Variants in RNF152 observed in about 807,000 individuals in gnomAD.
The protein encoded by RNF152 is E3 ubiquitin-protein ligase RNF152.
RNF152 carries 11 observed loss-of-function variants against 12.7 expected under a neutral mutation model. That is an observed-to-expected ratio of 0.86 (90% confidence interval 0.54 to 1.43). RNF152 has a LOEUF of 1.43. Among genes scored for constraint, RNF152 ranks in the 40% most tolerant of loss-of-function variants. The probability of loss-of-function intolerance (pLI) is 0.00; values close to 1 mark genes in which losing one functional copy is unlikely to be tolerated. For synonymous variants in RNF152, 113 were observed against 120.3 expected, an observed-to-expected ratio of 0.94 and a Z score of 0.40; for missense variants, 255 against 274.8, an observed-to-expected ratio of 0.93 and a Z score of 0.51.
intron 1 of RNF152, among the ~76,000 whole-genome samples, chr18:61,817,637 C>A (rs1180559865): frequency 3.3e-5 from 5 of 151,922 alleles, no homozygotes; most frequent in East Asian, 1.9e-4. Flanking sequence ...GTCCTGGAAC[C>A]AATGCCCTCA....
intron 1 of RNF152, among the ~76,000 whole-genome samples, chr18:61,828,804 T>A (rs552308688): frequency 6.6e-6 from 1 of 152,192 alleles, no homozygotes; most frequent in Admixed American, 6.5e-5. Context: ...GTTTGGGGAA[T>A]CTGAAGAGAA....
chr18:61,816,657 CA>C (rs1297837945), intron 1 of RNF152, 59 bp from the exon 2 acceptor site: 1 of 613,596 alleles, frequency 1.6e-6, no homozygotes, highest in Non-Finnish European at 2.8e-6. Flanking sequence ...GAGATGTCAA[CA>C]TATCTAATGG....
chr18:61,861,406 C>T (rs538017826), intron 1 of RNF152, among the ~76,000 whole-genome samples: 1 of 152,284 alleles, frequency 6.6e-6, no homozygotes, highest in African/African-American at 2.4e-5. Flanking sequence ...GGTTTGCAGC[C>T]TTGGAGCAAT....
Position 61,815,737 on chromosome 18 carries a change from G to T in RNF152, c.*115C>A. 1 of 1,208,744 alleles carries T rather than the reference G, an allele frequency of 8.3e-7. No homozygotes were observed. 74.9% of individuals were successfully genotyped at this position (1,208,744 alleles called of 1,614,324 possible). On this transcript the variant is annotated 3_prime_UTR_variant, in exon 2 of 2. Coordinates refer to ENST00000312828, the MANE Select transcript of RNF152 (RefSeq NM_173557.3). ...GGGGTAATCAAGAGGCAACCCAGAG[G>T]CCAGCGCTCAGCACCAAATGGTCAG... is the stretch of plus-strand genomic sequence containing the variant.
Position 61,815,916 on chromosome 18 carries a change from A to T in RNF152, c.548T>A (p.Leu183His). 6.2e-7 allele frequency: 1 copy of T among 1,614,216 alleles called. No homozygotes were observed. Among genetic ancestry groups the T allele is most frequent in the Non-Finnish European group, 8.5e-7 (1 of 1,180,046 alleles). The stretch of plus-strand genomic sequence containing the variant: ...AGACATGTTGTGAAGCACGATGCCG[A>T]GGAGGAAGACCAAGACGCAAGCCAC... ...ILVACVLVFLLGIVLHNMSCI... is the reference protein window; with the variant it reads ...ILVACVLVFLHGIVLHNMSCI... The change falls in exon 2 of 2, where the codon CTC becomes CAC. Residue 183 changes from leucine (L) to histidine (H), a missense_variant. Transcript: ENST00000312828.
At chr18:61,872,726 T>C (rs969125313) in intron 1 of RNF152, among the ~76,000 whole-genome samples, 1 of 152,208 alleles carries the variant, frequency 6.6e-6, no homozygotes, top group Non-Finnish European at 1.5e-5. Context: ...ACTATCATCA[T>C]GATTTTCGCA....
At chr18:61,882,046 G>A (rs80238164) in intron 1 of RNF152, among the ~76,000 whole-genome samples, 7,025 of 152,188 alleles carry the variant, frequency 0.046, 282 homozygotes, top group Non-Finnish European at 0.059. Flanking sequence ...TCAAACATCC[G>A]AAATCCGAAA....
chr18:61,815,967 C>A lies in RNF152; in HGVS notation c.497G>T (p.Trp166Leu). Reference protein sequence around the residue: ...DRRGVVKSSTWSGVCTVILVA... With the variant: ...DRRGVVKSSTLSGVCTVILVA... ...CAAGATGACAGTGCACACCCCCGACCAGGTGGAGCTTTTCACCACGCCCCG... is the reference window on the plus strand; with the variant it reads ...CAAGATGACAGTGCACACCCCCGACAAGGTGGAGCTTTTCACCACGCCCCG... The change falls in exon 2 of 2, where the codon TGG becomes TTG. Residue 166 changes from tryptophan (W) to leucine (L), a missense_variant. Physicochemically the swap from Trp to Leu is moderately conservative, Grantham distance 61. Transcript: ENST00000312828. 4.3e-6 allele frequency: 7 copies of A among 1,614,222 alleles called. No individual in the cohort carries two copies. The highest frequency in any genetic ancestry group is 5.9e-6 in the Non-Finnish European group (7 of 1,180,038).
chr18:61,885,793 G>A (rs1425787626), intron 1 of RNF152, among the ~76,000 whole-genome samples: 2 of 152,018 alleles, frequency 1.3e-5, no homozygotes, highest in Non-Finnish European at 2.9e-5. Context: ...ATATCACAAA[G>A]GTATTGAAGC....
chr18:61,878,955 T>C (rs948524980), intron 1 of RNF152, among the ~76,000 whole-genome samples: 1 of 152,174 alleles, frequency 6.6e-6, no homozygotes, highest in Non-Finnish European at 1.5e-5. Context: ...GAGGCAACCA[T>C]ATGCAGAATT....
At position 61,816,449 on chromosome 18, in the gene RNF152, G is replaced by A; in HGVS notation, c.15C>T (p.Ser5=). The part of the protein sequence containing the change: METL[S]QDSLLECQIC... The stretch of plus-strand genomic sequence containing the variant: ...TCTGACATTCCAGCAGAGAGTCCTG[G>A]GACAGCGTCTCCATGGTGGACCGTG... The change falls in exon 2 of 2, where the codon TCC becomes TCT. Residue 5 remains serine (S), a synonymous_variant. Coordinates refer to ENST00000312828, the MANE Select transcript of RNF152 (RefSeq NM_173557.3). 6.2e-7 allele frequency: 1 copy of A among 1,604,276 alleles called. No homozygotes were observed. Among genetic ancestry groups the A allele is most frequent in the Non-Finnish European group, 8.5e-7 (1 of 1,172,732 alleles).
At position 61,808,387 on chromosome 18, in the gene RNF152, TAAAAAAAAAAAA is replaced by T. The variant is rs34966668; in HGVS notation, c.*7453_*7464del. The T allele has an allele frequency of 1.8e-4, 9 of 50,794 alleles. No individual in the cohort carries two copies. The Middle Eastern group carries it at 0.045, about 257-fold the overall frequency. The allele number at this position is 50,794 out of a possible 1,614,324, so 3.1% of individuals were successfully genotyped here. A position where few individuals can be genotyped will look rare whatever the true frequency, so the allele number is the denominator to read the frequency against. Reference sequence around the variant, plus strand: ...TTTATCTGTAGGGCTATTTGGCCCTTAAAAAAAAAAAAAAAAAAAAAAAAAGCTCCTAAAATA... The same window carrying T: ...TTTATCTGTAGGGCTATTTGGCCCTTAAAAAAAAAAAAAGCTCCTAAAATA... On this transcript the variant is annotated 3_prime_UTR_variant, in exon 2 of 2. Transcript: ENST00000312828.
At chr18:61,822,296 A>C (rs1909455608) in intron 1 of RNF152, among the ~76,000 whole-genome samples, 1 of 152,178 alleles carries the variant, frequency 6.6e-6, no homozygotes, top group Non-Finnish European at 1.5e-5. Flanking sequence ...TAGTTACATA[A>C]ATAATATTAA....
chr18:61,893,602 C>T (rs75080661), upstream of RNF152: 6,203 of 152,576 alleles, frequency 0.041, 178 homozygotes, highest in Non-Finnish European at 0.062. Flanking sequence ...CAAAAGACCC[C>T]CAACATCTGG....
intron 1 of RNF152, among the ~76,000 whole-genome samples, chr18:61,825,061 GA>G (rs1909594175): frequency 6.6e-6 from 1 of 152,076 alleles, no homozygotes; most frequent in South Asian, 2.1e-4. Context: ...CCAAAGAGAT[GA>G]AAAAACAAAA....
chr18:61,881,560 C>T (rs943185263), intron 1 of RNF152, among the ~76,000 whole-genome samples: 2 of 152,072 alleles, frequency 1.3e-5, no homozygotes, highest in African/African-American at 4.8e-5. Context: ...ATACTGTTGC[C>T]CTTTGCCATA....
intron 1 of RNF152, among the ~76,000 whole-genome samples, chr18:61,839,206 A>C (rs944211819): frequency 6.6e-6 from 1 of 152,192 alleles, no homozygotes; most frequent in African/African-American, 2.4e-5. Flanking sequence ...ACTTTGGTAC[A>C]CTACCTCAGA....
At chr18:61,867,423 G>T (rs1355293762) in intron 1 of RNF152, among the ~76,000 whole-genome samples, 1 of 151,802 alleles carries the variant, frequency 6.6e-6, no homozygotes, top group African/African-American at 2.4e-5. Context: ...TTGCACTCCA[G>T]CCTGGGCGAC....
chr18:61,842,423 A>G (rs923476029), intron 1 of RNF152, among the ~76,000 whole-genome samples: 1 of 152,238 alleles, frequency 6.6e-6, no homozygotes, highest in East Asian at 1.9e-4. Flanking sequence ...GGCTGCTGTC[A>G]TTGCTGGAAC....
Sources: gnomAD v4.1 joint callset for allele counts (sites outside exome capture counted in the v4.1 genomes callset) on GRCh38, gnomAD v4.1.1 for gene constraint, MANE v1.5 for transcripts, NCBI Gene and HGNC (gene_info 2026-07-23, HGNC 2026-07-21) for gene names.